ANKS1B: variants seen among roughly 807,000 people sequenced by gnomAD.
ANKS1B encodes ankyrin repeat and sterile alpha motif domain-containing protein 1B.
ANKS1B carries 36 observed loss-of-function variants against 148.3 expected under a neutral mutation model. The ratio of observed to expected loss-of-function variants is 0.24; its 90% CI spans 0.19 to 0.32. The LOEUF is 0.32. Ranked by LOEUF, ANKS1B falls within the 10% of genes least tolerant of loss-of-function variation. The pLI is 1.00. For synonymous variants in ANKS1B, 542 were observed against 560.8 expected (o/e 0.97, Z 0.47); for missense variants, 1,157 against 1,542.6 (o/e 0.75, Z 4.19).
At chr12:99,183,543 T>C (rs563121848) in intron 14 of ANKS1B, among the ~76,000 whole-genome samples, 7 of 152,280 alleles carry the variant, frequency 4.6e-5, no homozygotes, top group African/African-American at 1.7e-4. Flanking sequence ...CTTGGGAGGC[T>C]GAGGCAGGAG....
chr12:99,563,096 C>T (rs1215891830), intron 9 of ANKS1B, among the ~76,000 whole-genome samples: 1 of 152,168 alleles, frequency 6.6e-6, no homozygotes, highest in Non-Finnish European at 1.5e-5. Context: ...TAGCTTTTGG[C>T]TTAAGAGAAT....
chr12:99,632,057 C>T (rs184459925), intron 9 of ANKS1B, among the ~76,000 whole-genome samples: 42 of 152,246 alleles, frequency 2.8e-4, no homozygotes, highest in African/African-American at 1.0e-3. Context: ...AGTGGTTTCA[C>T]GGGACAGGCC....
chr12:98,776,022 G>T (rs2098669901), intron 24 of ANKS1B, among the ~76,000 whole-genome samples: 1 of 152,232 alleles, frequency 6.6e-6, no homozygotes, highest in Non-Finnish European at 1.5e-5. Flanking sequence ...GCGGAGGCAG[G>T]TATTTTTGAA....
At chr12:99,013,944 A>G (rs926643650) in intron 17 of ANKS1B, among the ~76,000 whole-genome samples, 5 of 152,218 alleles carry the variant, frequency 3.3e-5, no homozygotes, top group African/African-American at 1.2e-4. Context: ...CATACTGTCC[A>G]AAGCAATTTA....
chr12:99,850,453 T>A (rs2087606152), intron 1 of ANKS1B, among the ~76,000 whole-genome samples: 2 of 151,996 alleles, frequency 1.3e-5, no homozygotes, highest in South Asian at 2.1e-4. Flanking sequence ...GAAACTTCCA[T>A]CCTCTTGCTA....
At chr12:99,960,577 G>A (rs1385051925) in intron 1 of ANKS1B, among the ~76,000 whole-genome samples, 2 of 152,126 alleles carry the variant, frequency 1.3e-5, no homozygotes, top group Non-Finnish European at 2.9e-5. Context: ...CAGGGAGTCT[G>A]GAAATGCTAA....
chr12:99,915,285 A>C (rs1354233666), intron 1 of ANKS1B, among the ~76,000 whole-genome samples: 1 of 151,776 alleles, frequency 6.6e-6, no homozygotes, highest in African/African-American at 2.4e-5. Context: ...GGTGGGAAGA[A>C]TATGGGAAGA....
intron 17 of ANKS1B, among the ~76,000 whole-genome samples, chr12:98,974,705 C>T (rs997600167): frequency 7.9e-5 from 12 of 152,080 alleles, no homozygotes; most frequent in African/African-American, 1.9e-4. Flanking sequence ...AGGTAGGCCT[C>T]GTAGACAAAT....
intron 3 of ANKS1B, among the ~76,000 whole-genome samples, chr12:99,806,967 A>T (rs2067700057): frequency 6.6e-6 from 1 of 152,218 alleles, no homozygotes; most frequent in African/African-American, 2.4e-5. Context: ...CAAATGATTT[A>T]GCCATGTTTG....
At chr12:99,286,229 G>A (rs1235863785) in intron 12 of ANKS1B, among the ~76,000 whole-genome samples, 1 of 151,536 alleles carries the variant, frequency 6.6e-6, no homozygotes, top group Non-Finnish European at 1.5e-5. Context: ...AGTAGGACAG[G>A]GCACCAGGGA....
intron 12 of ANKS1B, among the ~76,000 whole-genome samples, chr12:99,303,581 A>G (rs920800957): frequency 6.6e-6 from 1 of 152,192 alleles, no homozygotes; most frequent in Non-Finnish European, 1.5e-5. Context: ...TAAATTGTAT[A>G]AAGAAAAATA....
At chr12:98,896,092 A>T (rs2099764251) in intron 17 of ANKS1B, among the ~76,000 whole-genome samples, 4 of 152,216 alleles carry the variant, frequency 2.6e-5, no homozygotes, top group Admixed American at 2.0e-4. Context: ...ACAAGGTAAT[A>T]CCAACCCAAT....
At chr12:98,964,454 C>T (rs1051282533) in intron 17 of ANKS1B, among the ~76,000 whole-genome samples, 1 of 151,918 alleles carries the variant, frequency 6.6e-6, no homozygotes, top group Non-Finnish European at 1.5e-5. Context: ...AGGTATATAC[C>T]CAAAAGAAAG....
At position 99,815,360 on chromosome 12, in the gene ANKS1B, A is replaced by C. The variant is rs149600521; in HGVS notation, c.216-3049T>G. On this transcript the variant is annotated intron_variant, in intron 2 of 26. Coordinates refer to ENST00000683438, the MANE Select transcript of ANKS1B (RefSeq NM_001352186.2). ...CTAAATCAGAAAAGAATAATCTGTA[A>C]GTTTGTAAAATTGCCTTTGGAAAAC... 5.2e-3 allele frequency among the ~76,000 whole-genome samples: 797 copies of C among 151,982 alleles called. 10 individuals are homozygous for C. Among genetic ancestry groups the C allele is most frequent in the Middle Eastern group, 0.014 (4 of 294 alleles).
chr12:99,416,003 C>T (rs2094894890), intron 11 of ANKS1B, among the ~76,000 whole-genome samples: 1 of 152,014 alleles, frequency 6.6e-6, no homozygotes, highest in African/African-American at 2.4e-5. Flanking sequence ...TTTATAGCTA[C>T]ACTCACTTCT....
intron 1 of ANKS1B, among the ~76,000 whole-genome samples, chr12:99,865,790 C>T (rs1163054202): frequency 2.6e-5 from 4 of 152,090 alleles, no homozygotes; most frequent in Non-Finnish European, 4.4e-5. Flanking sequence ...AAACCTATGC[C>T]TCAGTCTAAA....
At chr12:99,444,842 TC>T (rs1228411159) in intron 10 of ANKS1B, among the ~76,000 whole-genome samples, 1 of 152,028 alleles carries the variant, frequency 6.6e-6, no homozygotes, top group African/African-American at 2.4e-5. Flanking sequence ...CCAGGAAGTT[TC>T]TCTGTTCCTG....
At chr12:99,346,364 CTT>C (rs1457225095) in intron 12 of ANKS1B, among the ~76,000 whole-genome samples, 1 of 150,366 alleles carries the variant, frequency 6.7e-6, no homozygotes, top group African/African-American at 2.5e-5. Context: ...TTCTCTCTCT[CTT>C]TCTCTCTCAC....
intron 15 of ANKS1B, among the ~76,000 whole-genome samples, chr12:99,153,251 A>C (rs1201637757): frequency 2.0e-5 from 3 of 152,184 alleles, no homozygotes. Context: ...TAAAAAATCT[A>C]ATCAGCTGTC....
Sources: gnomAD v4.1 joint callset for allele counts (sites outside exome capture counted in the v4.1 genomes callset) on GRCh38, gnomAD v4.1.1 for gene constraint, MANE v1.5 for transcripts, NCBI Gene and HGNC (gene_info 2026-07-23, HGNC 2026-07-21) for gene names.